Variants in CSNK1G1 observed in about 807,000 individuals in gnomAD.
CSNK1G1 encodes the protein casein kinase I isoform gamma-1.
Under a neutral mutation model 59.6 loss-of-function variants are expected in CSNK1G1, and 22 were observed. The observed-to-expected ratio is 0.37, with a 90% CI of 0.26 to 0.53. The LOEUF (loss-of-function observed/expected upper bound fraction) is 0.53. Among genes scored for constraint, CSNK1G1 ranks in the 20% least tolerant of loss-of-function variants. The pLI is 0.89. For synonymous variants in CSNK1G1, 179 were observed against 177.1 expected (o/e 1.01, Z -0.08); for missense variants, 384 against 519.5 (o/e 0.74, Z 2.54).
At chr15:64,295,877 C>A (rs576732683) in intron 2 of CSNK1G1, among the ~76,000 whole-genome samples, 1 of 152,336 alleles carries the variant, frequency 6.6e-6, no homozygotes, top group South Asian at 2.1e-4. Flanking sequence ...TTCACAATTT[C>A]GTCCCAACTT....
intron 4 of CSNK1G1, among the ~76,000 whole-genome samples, chr15:64,250,772 A>C (rs1892034327): frequency 6.6e-6 from 1 of 152,042 alleles, no homozygotes. Context: ...GAAAGAAAAA[A>C]AAAATAGAAA....
chr15:64,204,604 A>G lies in CSNK1G1; in HGVS notation c.851-15T>C. On this transcript the variant is annotated splice_polypyrimidine_tract_variant and intron_variant, in intron 8 of 11. Coordinates refer to ENST00000303052, the MANE Select transcript of CSNK1G1 (RefSeq NM_022048.5). Reference sequence around the variant, plus strand: ...TGCCATCTCCTCTGTTAGGAAAGAGATGAAAGGCCCTGCTCATTAGCTGAA... The same window carrying G: ...TGCCATCTCCTCTGTTAGGAAAGAGGTGAAAGGCCCTGCTCATTAGCTGAA... 6.2e-7 allele frequency: 1 copy of G among 1,611,320 alleles called. No individual in the cohort carries two copies. Among genetic ancestry groups the G allele is most frequent in the Non-Finnish European group, 8.5e-7 (1 of 1,179,234 alleles).
Position 64,278,423 on chromosome 15 carries a change from TATATA to T in CSNK1G1, c.182-19187_182-19183del, listed in dbSNP as rs1424072887. On this transcript the variant is annotated intron_variant, in intron 2 of 11. Coordinates refer to ENST00000303052, the MANE Select transcript of CSNK1G1 (RefSeq NM_022048.5). Reference sequence around the variant, plus strand: ...GTGTGTGTGTGTGTGTGTGTGTATATATATATATATTTTTTTTTTTTTGGACACAG... The same window carrying T: ...GTGTGTGTGTGTGTGTGTGTGTATATTATATTTTTTTTTTTTTGGACACAG... 9.8e-3 allele frequency among the ~76,000 whole-genome samples: 1,103 copies of T among 113,038 alleles called. 30 individuals carry two copies. The highest frequency in any genetic ancestry group is 0.033 in the African/African-American group (823 of 25,104). The allele number at this position is 113,038 out of a possible 152,430, so 74.2% of individuals were successfully genotyped here.
At position 64,204,968 on chromosome 15, in the gene CSNK1G1, G is replaced by C. The variant is rs1194893590; in HGVS notation, c.766-19C>G. On this transcript the variant is annotated intron_variant, in intron 7 of 11. Coordinates refer to ENST00000303052, the MANE Select transcript of CSNK1G1 (RefSeq NM_022048.5). The stretch of plus-strand genomic sequence containing the variant: ...TGTCAGCCTGTAGAGAGTAAAGAGA[G>C]AAAGTTACTTTAAAAGAGGGCCTAA... The C allele has an allele frequency of 1.4e-6, 2 of 1,454,314 alleles. No homozygotes were observed. Among genetic ancestry groups the C allele is most frequent in the African/African-American group, 1.4e-5 (1 of 70,874 alleles). The allele number at this position is 1,454,314 out of a possible 1,614,324, so 90.1% of individuals were successfully genotyped here. A position where few individuals can be genotyped will look rare whatever the true frequency, so the allele number is the denominator to read the frequency against.
chr15:64,325,668 CA>C (rs1289536006), intron 1 of CSNK1G1, among the ~76,000 whole-genome samples: 1 of 151,918 alleles, frequency 6.6e-6, no homozygotes, highest in Non-Finnish European at 1.5e-5. Context: ...TAAATTTTTA[CA>C]GTAATAAGAC....
At chr15:64,269,040 T>C (rs1363423542) in intron 2 of CSNK1G1, among the ~76,000 whole-genome samples, 5 of 152,166 alleles carry the variant, frequency 3.3e-5, no homozygotes, top group Admixed American at 6.5e-5. Context: ...CCCACTACCA[T>C]TGTGCTGCCA....
At chr15:64,206,507 T>A (rs2082182581) in intron 7 of CSNK1G1, among the ~76,000 whole-genome samples, 1 of 138,622 alleles carries the variant, frequency 7.2e-6, no homozygotes, top group African/African-American at 2.7e-5. Context: ...TTCAAGAGGC[T>A]GAGGTAGGAG....
intron 2 of CSNK1G1, among the ~76,000 whole-genome samples, chr15:64,298,152 T>C (rs1237419982): frequency 6.6e-6 from 1 of 152,220 alleles, no homozygotes; most frequent in African/African-American, 2.4e-5. Context: ...TATAAATGTA[T>C]GCTTTTAACT....
intron 2 of CSNK1G1, among the ~76,000 whole-genome samples, chr15:64,296,145 C>T (rs1469540236): frequency 6.6e-6 from 1 of 152,096 alleles, no homozygotes; most frequent in South Asian, 2.1e-4. Context: ...GTTTGAGACA[C>T]GGTCTCACTC....
In CSNK1G1 at chr15:64,194,517, C is replaced by CTT. The variant is rs374224209; in HGVS notation, c.1107+8563_1107+8564dup. 4.5e-3 allele frequency among the ~76,000 whole-genome samples: 580 copies of CTT among 128,294 alleles called. 6 individuals are homozygous for CTT. The highest frequency in any genetic ancestry group is 8.7e-3 in the Middle Eastern group (2 of 230). The allele number at this position is 128,294 out of a possible 152,430, so 84.2% of individuals were successfully genotyped here. The stretch of plus-strand genomic sequence containing the variant: ...TTTTTCTCTTCTTTTCTTTTCTTTT[C>CTT]TTTTTTTTTTTTTTTTTGAGACAGA... On this transcript the variant is annotated intron_variant, in intron 10 of 11. Coordinates refer to ENST00000303052, the MANE Select transcript of CSNK1G1 (RefSeq NM_022048.5).
chr15:64,205,033 T>A (rs2082158688), intron 7 of CSNK1G1, 84 bp from the exon 8 acceptor site: 1 of 729,142 alleles, frequency 1.4e-6, no homozygotes, highest in African/African-American at 1.8e-5. Flanking sequence ...CAATGGTTGT[T>A]TCACTCAAAT....
chr15:64,352,563 A>G (rs1898372412), intron 1 of CSNK1G1, among the ~76,000 whole-genome samples: 1 of 138,854 alleles, frequency 7.2e-6, no homozygotes, highest in Non-Finnish European at 1.5e-5. Context: ...CTCTTGCCTC[A>G]GCCTCCCGAG....
chr15:64,207,608 C>A lies in CSNK1G1; in HGVS notation c.680-14G>T, dbSNP rs1448615668. 2.5e-6 allele frequency: 4 copies of A among 1,589,718 alleles called. No homozygotes were observed. Among genetic ancestry groups the A allele is most frequent in the Non-Finnish European group, 1.7e-6 (2 of 1,157,980 alleles). ...TCCGGCTTTGCTCTAAAAGGGAAGA[C>A]AGATCACACATTATGTTTGCAGTTA... is the stretch of plus-strand genomic sequence containing the variant. On this transcript the variant is annotated splice_polypyrimidine_tract_variant and intron_variant, in intron 6 of 11. Transcript: ENST00000303052.
chr15:64,246,424 C>A (rs1891758282), intron 4 of CSNK1G1, among the ~76,000 whole-genome samples: 1 of 152,022 alleles, frequency 6.6e-6, no homozygotes, highest in Non-Finnish European at 1.5e-5. Flanking sequence ...GAGTTCAAGA[C>A]CAGCCTGGTC....
intron 1 of CSNK1G1, among the ~76,000 whole-genome samples, chr15:64,353,318 T>A (rs1898420677): frequency 6.6e-6 from 1 of 152,124 alleles, no homozygotes; most frequent in African/African-American, 2.4e-5. Context: ...AGGTGACACA[T>A]AACTATATTA....
chr15:64,313,241 C>G (rs1896088183), intron 1 of CSNK1G1, among the ~76,000 whole-genome samples: 1 of 152,170 alleles, frequency 6.6e-6, no homozygotes, highest in African/African-American at 2.4e-5. Flanking sequence ...CCAGCAATCC[C>G]ATTACTGGGT....
At chr15:64,296,708 T>TA (rs1339828445) in intron 2 of CSNK1G1, among the ~76,000 whole-genome samples, 1 of 151,516 alleles carries the variant, frequency 6.6e-6, no homozygotes, top group African/African-American at 2.4e-5. Flanking sequence ...CAACTAAAAA[T>TA]AAAAAATTAG....
intron 3 of CSNK1G1, among the ~76,000 whole-genome samples, chr15:64,256,670 A>G (rs1892390329): frequency 6.6e-6 from 1 of 152,236 alleles, no homozygotes; most frequent in African/African-American, 2.4e-5. Context: ...AAAGAACCCT[A>G]GAAATGTGGG....
At chr15:64,260,282 A>C (rs1017088164) in intron 2 of CSNK1G1, among the ~76,000 whole-genome samples, 5 of 152,216 alleles carry the variant, frequency 3.3e-5, no homozygotes, top group Non-Finnish European at 7.3e-5. Flanking sequence ...CGACTGATTA[A>C]AAGTTATTGG....
Sources: gnomAD v4.1 joint callset for allele counts (sites outside exome capture counted in the v4.1 genomes callset) on GRCh38, gnomAD v4.1.1 for gene constraint, MANE v1.5 for transcripts, NCBI Gene and HGNC (gene_info 2026-07-23, HGNC 2026-07-21) for gene names.